COPZ1: variants seen among roughly 807,000 people sequenced by gnomAD.
The protein encoded by COPZ1 is coat protein complex I subunit zeta 1, also known as coatomer subunit zeta-1.
In COPZ1, 4 loss-of-function variants were observed where a neutral mutation model predicts 31.7. That is an observed-to-expected ratio of 0.13 (90% CI 0.06 to 0.29). The LOEUF (loss-of-function observed/expected upper bound fraction) is 0.29. Among genes scored for constraint, COPZ1 ranks in the 10% least tolerant of loss-of-function variants. The probability of loss-of-function intolerance (pLI) is 1.00; values close to 1 mark genes in which losing one functional copy is unlikely to be tolerated. For synonymous variants in COPZ1, 74 were observed against 79.0 expected (o/e 0.94, Z 0.33); for missense variants, 156 against 211.5 (o/e 0.74, Z 1.63).
chr12:54,327,948 A>T (rs181877658), intron 1 of COPZ1, among the ~76,000 whole-genome samples: 214 of 151,808 alleles, frequency 1.4e-3, no homozygotes, highest in African/African-American at 4.8e-3. Context: ...GCCTGTGTGT[A>T]GTGGGTAAGC....
chr12:54,325,279 A>C lies in COPZ1; in HGVS notation c.18+98A>C, dbSNP rs1953608627. On this transcript the variant is annotated intron_variant, in intron 1 of 8. Transcript: ENST00000262061. ...GAGACGGGGAAAGAGAGTTCCGGGT[A>C]ATTCTTGGGGACTGAGCGTTCTGCT... 2.1e-6 allele frequency: 3 copies of C among 1,442,130 alleles called. No homozygotes were observed. In the South Asian group the frequency reaches 3.9e-5, roughly 19 times the overall value. The allele number at this position is 1,442,130 out of a possible 1,614,324, so 89.3% of individuals were successfully genotyped here.
intron 2 of COPZ1, 127 bp from the exon 3 acceptor site, chr12:54,342,079 T>G: frequency 1.5e-6 from 1 of 664,854 alleles, no homozygotes. Context: ...CTTTTCCATG[T>G]CAGTATTTCT....
chr12:54,337,019 CAAAAAAAAAAA>C (rs1182592654), intron 1 of COPZ1, among the ~76,000 whole-genome samples: 28 of 61,646 alleles, frequency 4.5e-4, no homozygotes, highest in East Asian at 2.5e-3. Flanking sequence ...GAGACTGTCG[CAAAAAAAAAAA>C]AAAAAAAAAA....
chr12:54,343,269 A>C lies in COPZ1; in HGVS notation c.214A>C (p.Ser72Arg). ...AGGCCTGACAGTGGTATACAAAAGCAGTATAGATCTCTATTTCTATGTGAT... is the reference window on the plus strand; with the variant it reads ...AGGCCTGACAGTGGTATACAAAAGCCGTATAGATCTCTATTTCTATGTGAT... ...LEGLTVVYKSSIDLYFYVIGS... is the reference protein window; with the variant it reads ...LEGLTVVYKSRIDLYFYVIGS... Residue 72 changes from serine (S) to arginine (R), a missense_variant, in exon 4 of 9, where the codon AGT becomes CGT. Transcript: ENST00000262061. 1 of 1,614,136 alleles carries C rather than the reference A, an allele frequency of 6.2e-7. No individual in the cohort carries two copies. Among genetic ancestry groups the C allele is most frequent in the Non-Finnish European group, 8.5e-7 (1 of 1,179,996 alleles).
rs754816477 is a variant in COPZ1 at position 54,343,241 on chromosome 12, G to C, written c.186G>C (p.Leu62Phe). The C allele has an allele frequency of 6.2e-7, 1 of 1,613,866 alleles. No individual in the cohort carries two copies. The highest frequency in any genetic ancestry group is 8.5e-7 in the Non-Finnish European group (1 of 1,179,836). Residue 62 changes from leucine (L) to phenylalanine (F), a missense_variant, in exon 4 of 9, where the codon TTG becomes TTC. Leu to Phe is a conservative substitution (Grantham distance 22, BLOSUM62 0). Transcript: ENST00000262061. ...THRTDSEIAL[L>F]EGLTVVYKSS... ...CCCCACCAGGTGAAATTGCCCTCTT[G>C]GAAGGCCTGACAGTGGTATACAAAA... is the stretch of plus-strand genomic sequence containing the variant.
At position 54,350,867 on chromosome 12, in the gene COPZ1, A is replaced by G. The variant is rs1345551182; in HGVS notation, c.*344A>G. Reference sequence around the variant, plus strand: ...CTGTAGCTACACTTCAGATTAAAGTAGGAGAAAGAATGTGCTGAGTGTTTT... The same window carrying G: ...CTGTAGCTACACTTCAGATTAAAGTGGGAGAAAGAATGTGCTGAGTGTTTT... On this transcript the variant is annotated 3_prime_UTR_variant, in exon 9 of 9. Coordinates refer to ENST00000262061, the MANE Select transcript of COPZ1 (RefSeq NM_016057.3). 1 of 310,468 alleles carries G rather than the reference A, an allele frequency of 3.2e-6. No homozygotes were observed. The highest frequency in any genetic ancestry group is 2.1e-5 in the African/African-American group (1 of 47,868). 19.2% of individuals were successfully genotyped at this position (310,468 alleles called of 1,614,324 possible).
intron 1 of COPZ1, among the ~76,000 whole-genome samples, chr12:54,331,037 C>T (rs1222563007): frequency 6.6e-6 from 1 of 152,186 alleles, no homozygotes; most frequent in East Asian, 1.9e-4. Context: ...CCTGGCCTTA[C>T]ATTCCCTAGC....
chr12:54,347,973 A>G, intron 6 of COPZ1, 27 bp from the exon 7 acceptor site: 1 of 1,613,476 alleles, frequency 6.2e-7, no homozygotes. Flanking sequence ...GACAGAGTGA[A>G]CAATGATCTC....
In COPZ1 at chr12:54,351,316, C is replaced by G. The variant is rs577510982; in HGVS notation, c.*793C>G. On this transcript the variant is annotated 3_prime_UTR_variant, in exon 9 of 9. Transcript: ENST00000262061. ...CCTGGAGCAAAGCCAGTTCCTAAAA[C>G]TAAAACTCCATTCTAGTCTTGGGAA... is the stretch of plus-strand genomic sequence containing the variant. 1 of 152,176 alleles carries G rather than the reference C, an allele frequency of 6.6e-6. No individual in the cohort carries two copies. 9.4% of individuals were successfully genotyped at this position (152,176 alleles called of 1,614,324 possible).
rs1006559202 is a variant in COPZ1 at position 54,325,301 on chromosome 12, T to C, written c.18+120T>C. 5 of 1,301,724 alleles carry C rather than the reference T, an allele frequency of 3.8e-6. No individual in the cohort carries two copies. In the African/African-American group the frequency reaches 7.4e-5, roughly 19 times the overall value. The allele number at this position is 1,301,724 out of a possible 1,614,324, so 80.6% of individuals were successfully genotyped here. ...GGTAATTCTTGGGGACTGAGCGTTC[T>C]GCTGACCTTTGGAATAAGTGTGTGG... On this transcript the variant is annotated intron_variant, in intron 1 of 8. Transcript: ENST00000262061.
At chr12:54,339,608 C>T (rs545904856) in intron 1 of COPZ1, among the ~76,000 whole-genome samples, 68 of 152,200 alleles carry the variant, frequency 4.5e-4, no homozygotes, top group African/African-American at 1.6e-3. Flanking sequence ...CAGCCTCCTG[C>T]GATTTTCCTT....
chr12:54,328,006 C>T (rs1318666744), intron 1 of COPZ1, among the ~76,000 whole-genome samples: 1 of 152,092 alleles, frequency 6.6e-6, no homozygotes, highest in African/African-American at 2.4e-5. Flanking sequence ...AGTGCAGTGG[C>T]TCATGCCTGT....
intron 8 of COPZ1, chr12:54,350,204 C>G: frequency 1.4e-6 from 1 of 698,052 alleles, no homozygotes; most frequent in Non-Finnish European, 2.6e-6. Flanking sequence ...CCCCTTTTAA[C>G]ATATGTCCAG....
At chr12:54,332,845 C>T (rs934403262) in intron 1 of COPZ1, among the ~76,000 whole-genome samples, 4 of 151,794 alleles carry the variant, frequency 2.6e-5, no homozygotes, top group African/African-American at 9.7e-5. Flanking sequence ...TTTATGAAGG[C>T]CACACACACA....
chr12:54,349,822 C>T, intron 8 of COPZ1, 164 bp downstream of exon 8: 1 of 718,080 alleles, frequency 1.4e-6, no homozygotes, highest in Admixed American at 1.9e-5. Context: ...GCCAGCCACT[C>T]CCTACCCCTA....
intron 5 of COPZ1, 143 bp downstream of exon 5, chr12:54,345,658 GT>G: frequency 1.5e-6 from 1 of 659,980 alleles, no homozygotes; most frequent in Non-Finnish European, 2.6e-6. Context: ...AGTTGATTTA[GT>G]TTTAGAAGTT....
intron 1 of COPZ1, among the ~76,000 whole-genome samples, chr12:54,339,278 G>C (rs985263018): frequency 7.7e-6 from 1 of 130,662 alleles, no homozygotes; most frequent in South Asian, 2.4e-4. Flanking sequence ...AAAAAAAAAA[G>C]AAAGTCAAGG....
intron 2 of COPZ1, 35 bp downstream of exon 2, chr12:54,340,650 A>G: frequency 1.2e-6 from 2 of 1,601,584 alleles, no homozygotes; most frequent in Non-Finnish European, 1.7e-6. Flanking sequence ...TAGGAACAGC[A>G]CAAAGGTTTA....
chr12:54,342,782 T>C (rs1953994043), intron 3 of COPZ1, among the ~76,000 whole-genome samples: 1 of 152,108 alleles, frequency 6.6e-6, no homozygotes, highest in Non-Finnish European at 1.5e-5. Context: ...TCTTCTGGCT[T>C]TGGAAGTCAT....
Sources: allele counts gnomAD v4.1 joint callset (sites outside exome capture counted in the v4.1 genomes callset), GRCh38; gene constraint gnomAD v4.1.1; transcripts MANE v1.5; gene names NCBI Gene and HGNC (gene_info 2026-07-23, HGNC 2026-07-21).